Variants in CALR3 observed in about 807,000 individuals in gnomAD.
CALR3 encodes the protein calreticulin-3.
Under a neutral mutation model 48.7 loss-of-function variants are expected in CALR3, and 39 were observed. The ratio of observed to expected loss-of-function variants is 0.80; its 90% CI spans 0.62 to 1.05. The LOEUF is 1.05. Ranked by LOEUF, CALR3 falls within the 50% of genes least tolerant of loss-of-function variation. The pLI is 0.00. For missense variants in CALR3, 449 were observed against 474.7 expected (o/e 0.95, Z 0.50); for synonymous variants, 185 against 172.7 (o/e 1.07, Z -0.56).
intron 1 of CALR3, 46 bp downstream of exon 1, chr19:16,495,993 G>C (rs1393460919): frequency 4.5e-6 from 7 of 1,569,390 alleles, no homozygotes; most frequent in Admixed American, 3.8e-5. Flanking sequence ...AGGGGGCGGA[G>C]ATGGGGGAGC....
At chr19:16,486,768 C>T (rs1193357162) in intron 3 of CALR3, among the ~76,000 whole-genome samples, 1 of 152,060 alleles carries the variant, frequency 6.6e-6, no homozygotes, top group East Asian at 1.9e-4. Context: ...AATAACTGTG[C>T]TTCCCTTGTC....
In CALR3 at chr19:16,490,473, T is replaced by C. The variant is rs1056692608; in HGVS notation, c.291A>G (p.Val97=). The change falls in exon 3 of 9, where the codon GTA becomes GTG. Residue 97 remains valine (V), a synonymous_variant. Transcript: ENST00000269881. Reference sequence around the variant, plus strand: ...CACAGTCCATCTTCTGCTCATGTTTTACTGTGTACTGAATAACCAGAGTTT... The same window carrying C: ...CACAGTCCATCTTCTGCTCATGTTTCACTGTGTACTGAATAACCAGAGTTT... The part of the protein sequence containing the change: ...KGKTLVIQYT[V]KHEQKMDCGG... 1 of 1,614,072 alleles carries C rather than the reference T, an allele frequency of 6.2e-7. No homozygotes were observed. Among genetic ancestry groups the C allele is most frequent in the Non-Finnish European group, 8.5e-7 (1 of 1,180,034 alleles).
chr19:16,490,074 ACT>A (rs1423521848), intron 3 of CALR3, among the ~76,000 whole-genome samples: 1 of 151,946 alleles, frequency 6.6e-6, no homozygotes, highest in Admixed American at 6.6e-5. Context: ...AATCCAAAAC[ACT>A]CTGGTCCCAA....
At chr19:16,483,191 G>A (rs1311268600) in intron 5 of CALR3, among the ~76,000 whole-genome samples, 1 of 152,130 alleles carries the variant, frequency 6.6e-6, no homozygotes, top group Non-Finnish European at 1.5e-5. Flanking sequence ...CAAGTGGCAG[G>A]CACAGGCTGG....
chr19:16,480,550 T>TA (rs1031290222), intron 8 of CALR3, 64 bp downstream of exon 8: 27,004 of 913,174 alleles, frequency 0.03, no homozygotes, highest in Non-Finnish European at 0.035. Context: ...AGACTCCATC[T>TA]AAAAAAAAAA....
At position 16,479,209 on chromosome 19, in the gene CALR3, C is replaced by A; in HGVS notation, c.1077G>T (p.Glu359Asp). Residue 359 changes from glutamate (E) to aspartate (D), a missense_variant, in exon 9 of 9, where the codon GAG (glutamate) becomes GAT (aspartate). Transcript: ENST00000269881. ...TTTTTCCCGACAGCAGCTCTTCCTC[C>A]TCTTCCTCGCGGGCCTTCTTCATTT... is the stretch of plus-strand genomic sequence containing the variant. ...KEEMKKAREE[E>D]EEELLSGKIN... is the part of the protein sequence containing the mutation. The A allele has an allele frequency of 6.2e-7, 1 of 1,614,138 alleles. No homozygotes were observed. The highest frequency in any genetic ancestry group is 8.5e-7 in the Non-Finnish European group (1 of 1,180,030).
chr19:16,484,933 G>A (rs1350378939), intron 4 of CALR3, among the ~76,000 whole-genome samples: 1 of 152,078 alleles, frequency 6.6e-6, no homozygotes, highest in Non-Finnish European at 1.5e-5. Flanking sequence ...ACATGTCATA[G>A]CTCACAGTAA....
intron 2 of CALR3, 152 bp from the exon 3 acceptor site, chr19:16,490,722 C>A: frequency 1.3e-6 from 1 of 758,672 alleles, no homozygotes; most frequent in Non-Finnish European, 2.3e-6. Context: ...TACAATAATG[C>A]ATAATGGGTA....
chr19:16,490,217 G>A (rs1197253515), intron 3 of CALR3, 150 bp downstream of exon 3: 31 of 694,998 alleles, frequency 4.5e-5, no homozygotes, highest in South Asian at 1.0e-4. Context: ...GCTTGGATCC[G>A]ATACACTCAA....
chr19:16,482,773 G>T lies in CALR3; in HGVS notation c.691C>A (p.His231Asn). 1 of 1,613,136 alleles carries T rather than the reference G, an allele frequency of 6.2e-7. No homozygotes were observed. The highest frequency in any genetic ancestry group is 1.8e-4 in the Middle Eastern group (1 of 5,554). ...KDNKAQDWEK[H>N]FLDASTSKQS... ...TTGCTGGTGCTGGCGTCCAGAAAAT[G>T]CTTCTCCCAGTCCTTCAAAGACATG... The change falls in exon 6 of 9, where the codon CAT becomes AAT. Residue 231 changes from histidine (H) to asparagine (N), a missense_variant. Coordinates refer to ENST00000269881, the MANE Select transcript of CALR3 (RefSeq NM_145046.5).
Position 16,482,738 on chromosome 19 carries a change from G to C in CALR3, c.726C>G (p.Asp242Glu). ...FLDASTSKQS[D>E]WNGDLDGDWP... ...AGTCCCCATCCAGGTCACCGTTCCA[G>C]TCGCTCTGCTTGCTGGTGCTGGCGT... The change falls in exon 6 of 9, where the codon GAC (aspartate) becomes GAG (glutamate). Residue 242 changes from aspartate (D) to glutamate (E), a missense_variant. Transcript: ENST00000269881. The C allele has an allele frequency of 6.2e-7, 1 of 1,613,934 alleles. No homozygotes were observed. The highest frequency in any genetic ancestry group is 1.1e-5 in the South Asian group (1 of 91,080).
At position 16,483,999 on chromosome 19, in the gene CALR3, T is replaced by C; in HGVS notation, c.609A>G (p.Thr203=). The C allele has an allele frequency of 6.2e-7, 1 of 1,614,120 alleles. No individual in the cohort carries two copies. Among genetic ancestry groups the C allele is most frequent in the African/African-American group, 1.3e-5 (1 of 75,048 alleles). The change falls in exon 5 of 9, where the codon ACA becomes ACG. Residue 203 remains threonine, a synonymous_variant. Transcript: ENST00000269881. ...SGSIEYDWNL[T]SLKKETSPAE... is the part of the protein sequence containing the mutation. ...CCGGGGACGTTTCCTTCTTGAGTGA[T>C]GTTAAGTTCCAGTCGTACTCTATGC...
chr19:16,495,737 G>C lies in CALR3; in HGVS notation c.193+14C>G. 2 of 1,600,076 alleles carry C rather than the reference G, an allele frequency of 1.2e-6. No homozygotes were observed. Among genetic ancestry groups the C allele is most frequent in the Middle Eastern group, 1.7e-4 (1 of 6,044 alleles). On this transcript the variant is annotated intron_variant, in intron 2 of 8. Transcript: ENST00000269881. ...GTAACATTAGGCTCAATTTGGTCCT[G>C]ATTCTACACTAACCTTTATCTTTCT...
intron 2 of CALR3, 40 bp downstream of exon 2, chr19:16,495,711 T>C: frequency 6.7e-7 from 1 of 1,490,848 alleles, no homozygotes; most frequent in Non-Finnish European, 9.4e-7. Context: ...GCTATGGAAA[T>C]GTAACATTAG....
At position 16,483,800 on chromosome 19, in the gene CALR3, G is replaced by A. The variant is rs2093384559; in HGVS notation, c.678+130C>T. On this transcript the variant is annotated intron_variant, in intron 5 of 8. Coordinates refer to ENST00000269881, the MANE Select transcript of CALR3 (RefSeq NM_145046.5). ...GAGATGTGGCTGGTCTGCAGTGTGT[G>A]CTCTGGGGAGGGCATTTGGTTCTAT... 8.5e-6 allele frequency: 7 copies of A among 824,496 alleles called. No individual in the cohort carries two copies. The East Asian group carries it at 1.9e-4, about 22-fold the overall frequency. The allele number at this position is 824,496 out of a possible 1,614,324, so 51.1% of individuals were successfully genotyped here. A position where few individuals can be genotyped will look rare whatever the true frequency, so the allele number is the denominator to read the frequency against.
chr19:16,482,729 ACC>A lies in CALR3; in HGVS notation c.733_734del (p.Gly245Ter). ...ASTSKQSDWN[G>X]DLDGDWPAPM... Reference sequence around the variant, plus strand: ...GCGCTGGCCAGTCCCCATCCAGGTCACCGTTCCAGTCGCTCTGCTTGCTGGTG... The same window carrying A: ...GCGCTGGCCAGTCCCCATCCAGGTCAGTTCCAGTCGCTCTGCTTGCTGGTG... On this transcript the variant is annotated frameshift_variant, in exon 6 of 9. Coordinates refer to ENST00000269881, the MANE Select transcript of CALR3 (RefSeq NM_145046.5). LOFTEE classifies it high-confidence loss of function. 6.2e-7 allele frequency: 1 copy of A among 1,613,972 alleles called. No homozygotes were observed. The highest frequency in any genetic ancestry group is 8.5e-7 in the Non-Finnish European group (1 of 1,179,966).
intron 8 of CALR3, among the ~76,000 whole-genome samples, chr19:16,479,772 C>T (rs542143881): frequency 5.2e-4 from 78 of 151,450 alleles, no homozygotes; most frequent in Admixed American, 1.4e-3. Flanking sequence ...CAAAACAAAA[C>T]AAAACAAAAC....
Position 16,490,270 on chromosome 19 carries a change from C to T in CALR3, c.397+97G>A, listed in dbSNP as rs545131522. The T allele has an allele frequency of 4.0e-5, 43 of 1,074,004 alleles. No homozygotes were observed. In the African/African-American group the frequency reaches 5.6e-4, roughly 14 times the overall value. 66.5% of individuals were successfully genotyped at this position (1,074,004 alleles called of 1,614,324 possible). Reference sequence around the variant, plus strand: ...GATCCGATATACTCAATACTACTACCTTCACTACATTAGCAAAGTCTTAGT... The same window carrying T: ...GATCCGATATACTCAATACTACTACTTTCACTACATTAGCAAAGTCTTAGT... On this transcript the variant is annotated intron_variant, in intron 3 of 8. Transcript: ENST00000269881.
intron 7 of CALR3, among the ~76,000 whole-genome samples, chr19:16,482,047 C>T (rs1179228875): frequency 2.0e-5 from 3 of 151,574 alleles, no homozygotes; most frequent in African/African-American, 7.3e-5. Flanking sequence ...GCTGGGACTA[C>T]AGGCGCCCGC....
Sources: allele counts gnomAD v4.1 joint callset (sites outside exome capture counted in the v4.1 genomes callset), GRCh38; gene constraint gnomAD v4.1.1; transcripts MANE v1.5; gene names NCBI Gene and HGNC (gene_info 2026-07-23, HGNC 2026-07-21).